CCNY: variants seen among roughly 807,000 people sequenced by gnomAD.
The protein encoded by CCNY is cyclin Y.
Under a neutral mutation model 42.8 loss-of-function variants are expected in CCNY, and 19 were observed. The observed-to-expected ratio is 0.44, with a 90% CI of 0.31 to 0.65. CCNY has a LOEUF of 0.65. CCNY is among the 30% of genes least tolerant of loss of function. The pLI is 0.07. For missense variants in CCNY, 370 were observed against 437.3 expected (o/e 0.85, Z 1.37); for synonymous variants, 165 against 162.7 (o/e 1.01, Z -0.11).
intron 8 of CCNY, among the ~76,000 whole-genome samples, chr10:35,564,975 AGTGGGTGGGCACCCT>A (rs1483514954): frequency 3.3e-5 from 5 of 152,162 alleles, no homozygotes; most frequent in Admixed American, 6.5e-5. Flanking sequence ...GAGGGTGTGC[AGTGGGTGGGCACCCT>A]GTGGGTGGGC....
intron 1 of CCNY, among the ~76,000 whole-genome samples, chr10:35,426,478 A>G (rs1694892047): frequency 6.6e-6 from 1 of 152,224 alleles, no homozygotes; most frequent in Non-Finnish European, 1.5e-5. Flanking sequence ...GGCAGTAGCC[A>G]CTGCATTGCA....
chr10:35,345,215 T>C (rs1237742951), intron 1 of CCNY, among the ~76,000 whole-genome samples: 1 of 152,194 alleles, frequency 6.6e-6, no homozygotes, highest in Non-Finnish European at 1.5e-5. Context: ...TTCCTATTTC[T>C]CCACATCCTC....
chr10:35,466,271 G>T (rs1416556726), intron 1 of CCNY, among the ~76,000 whole-genome samples: 1 of 152,122 alleles, frequency 6.6e-6, no homozygotes, highest in Non-Finnish European at 1.5e-5. Context: ...TTAGGAGTTT[G>T]CCTGACACTT....
At chr10:35,420,067 G>T (rs975839059) in intron 1 of CCNY, among the ~76,000 whole-genome samples, 2 of 151,514 alleles carry the variant, frequency 1.3e-5, no homozygotes, top group Non-Finnish European at 2.9e-5. Flanking sequence ...CTTAATTTAG[G>T]TCCTATGTCT....
Position 35,340,827 on chromosome 10 carries a change from A to G in CCNY, c.154+3620A>G, listed in dbSNP as rs113957981. ...CCCACTCTTTTCATTTTTATAGTTT[A>G]CCTGTCATCCTTGACAACTCACTTT... is the stretch of plus-strand genomic sequence containing the variant. On this transcript the variant is annotated intron_variant, in intron 1 of 9. Transcript: ENST00000374704. Among the ~76,000 whole-genome samples the G allele has an allele frequency of 3.4e-3, 512 of 152,034 alleles. 4 individuals are homozygous for G. The highest frequency in any genetic ancestry group is 0.012 in the African/African-American group (482 of 41,472).
At chr10:35,550,197 C>T (rs1841221732) in intron 7 of CCNY, among the ~76,000 whole-genome samples, 2 of 148,102 alleles carry the variant, frequency 1.4e-5, no homozygotes, top group South Asian at 4.4e-4. Flanking sequence ...GACACATGAC[C>T]CTACAGTGCT....
chr10:35,508,354 G>C (rs1471605888), intron 3 of CCNY, among the ~76,000 whole-genome samples: 1 of 152,176 alleles, frequency 6.6e-6, no homozygotes, highest in Admixed American at 6.5e-5. Flanking sequence ...TTGGGTAGTG[G>C]CAGTCTTTTG....
At chr10:35,436,614 T>C (rs1336032140) in intron 1 of CCNY, among the ~76,000 whole-genome samples, 2 of 152,208 alleles carry the variant, frequency 1.3e-5, no homozygotes. Flanking sequence ...GCACTTGCTC[T>C]TACCCACATG....
At chr10:35,290,185 C>T (rs2135062010) in intron 3 of CCNY, among the ~76,000 whole-genome samples, 1 of 151,124 alleles carries the variant, frequency 6.6e-6, no homozygotes, top group South Asian at 2.1e-4. Context: ...GAGATCGCAC[C>T]ACTGCACTCC....
intron 1 of CCNY, among the ~76,000 whole-genome samples, chr10:35,410,974 G>A (rs1837890508): frequency 6.6e-6 from 1 of 152,212 alleles, no homozygotes; most frequent in South Asian, 2.1e-4. Flanking sequence ...AATATTAATG[G>A]TGGTGTGTGA....
intron 7 of CCNY, among the ~76,000 whole-genome samples, chr10:35,535,544 A>G (rs1374790778): frequency 6.6e-6 from 1 of 152,138 alleles, no homozygotes; most frequent in East Asian, 1.9e-4. Context: ...ATATGTATAC[A>G]TATACGTATA....
intron 3 of CCNY, among the ~76,000 whole-genome samples, chr10:35,318,916 T>A (rs1835791456): frequency 1.3e-5 from 2 of 152,206 alleles, no homozygotes; most frequent in South Asian, 4.1e-4. Context: ...GGTGACAGTT[T>A]AACTGATAAT....
rs1841685138 is a variant in CCNY at position 35,571,525 on chromosome 10, C to T, written c.*2355C>T. On this transcript the variant is annotated 3_prime_UTR_variant, in exon 10 of 10. Coordinates refer to ENST00000374704, the MANE Select transcript of CCNY (RefSeq NM_145012.6). ...CTGTATTAATTGGTTATGTTTCTTG[C>T]ACTAAGGATGTTTAAAACTCCGCTG... The T allele has an allele frequency of 6.6e-6, 1 of 152,252 alleles. No homozygotes were observed. Among genetic ancestry groups the T allele is most frequent in the Non-Finnish European group, 1.5e-5 (1 of 68,012 alleles). 9.4% of individuals were successfully genotyped at this position (152,252 alleles called of 1,614,324 possible).
intron 2 of CCNY, among the ~76,000 whole-genome samples, chr10:35,495,457 C>T (rs1839986187): frequency 6.6e-6 from 1 of 152,246 alleles, no homozygotes; most frequent in South Asian, 2.1e-4. Context: ...CCTTCGTCTA[C>T]TTCCTATTCT....
At chr10:35,395,685 C>T (rs553492980) in intron 1 of CCNY, among the ~76,000 whole-genome samples, 2 of 152,248 alleles carry the variant, frequency 1.3e-5, no homozygotes, top group South Asian at 4.1e-4. Flanking sequence ...AGGTGGAGGT[C>T]CATTTTGGAA....
intron 1 of CCNY, among the ~76,000 whole-genome samples, chr10:35,350,294 T>C (rs546824923): frequency 6.6e-5 from 10 of 152,244 alleles, no homozygotes; most frequent in African/African-American, 2.4e-4. Flanking sequence ...ATTGAAAGAG[T>C]AGTAAATTTT....
intron 1 of CCNY, among the ~76,000 whole-genome samples, chr10:35,375,821 G>A (rs113117612): frequency 1.6e-3 from 245 of 152,304 alleles, no homozygotes; most frequent in African/African-American, 5.1e-3. Flanking sequence ...AGGCGAAGGC[G>A]TGATGACCTG....
intron 1 of CCNY, among the ~76,000 whole-genome samples, chr10:35,399,448 A>G (rs1241289011): frequency 6.6e-6 from 1 of 152,194 alleles, no homozygotes; most frequent in Non-Finnish European, 1.5e-5. Context: ...AGAAGGTGAC[A>G]TGACTTACAG....
intron 3 of CCNY, among the ~76,000 whole-genome samples, chr10:35,503,645 T>C (rs7904462): frequency 0.36 from 54,066 of 152,124 alleles, 9,852 homozygotes; most frequent in African/African-American, 0.43. Flanking sequence ...TGCTTTAAAG[T>C]GTGTGTGCCA....
Sources: allele counts gnomAD v4.1 joint callset (sites outside exome capture counted in the v4.1 genomes callset), GRCh38; gene constraint gnomAD v4.1.1; transcripts MANE v1.5; gene names NCBI Gene and HGNC (gene_info 2026-07-23, HGNC 2026-07-21).